DPH6: variants seen among roughly 807,000 people sequenced by gnomAD.
DPH6 encodes diphthamine biosynthesis 6.
Under a neutral mutation model 38.2 loss-of-function variants are expected in DPH6, and 33 were observed. The observed-to-expected ratio is 0.86, with a 90% confidence interval of 0.65 to 1.15. The LOEUF (loss-of-function observed/expected upper bound fraction) is 1.15, where lower values mean the gene tolerates loss of function less well. Ranked by LOEUF, DPH6 falls within the 50% of genes most tolerant of loss-of-function variation. The pLI is 0.00. For synonymous variants in DPH6, 108 were observed against 103.0 expected (o/e 1.05, Z -0.30); for missense variants, 325 against 320.0 (o/e 1.02, Z -0.12).
At chr15:35,539,958 A>T (rs1267788195) in intron 2 of DPH6, among the ~76,000 whole-genome samples, 1 of 152,064 alleles carries the variant, frequency 6.6e-6, no homozygotes, top group Non-Finnish European at 1.5e-5. Context: ...AACATAGCCA[A>T]AGTTACCTAA....
chr15:35,499,932 T>C (rs2054604735), intron 3 of DPH6, among the ~76,000 whole-genome samples: 1 of 152,176 alleles, frequency 6.6e-6, no homozygotes, highest in Non-Finnish European at 1.5e-5. Flanking sequence ...ACCAGTTTGC[T>C]AAAGAAATCA....
At chr15:35,187,057 G>C in the DPH6 span, among the ~76,000 whole-genome samples, 1 of 152,142 alleles carries the variant, frequency 6.6e-6, no homozygotes, top group Non-Finnish European at 1.5e-5. Flanking sequence ...AATGTGGAAG[G>C]AACATGAAAT....
chr15:35,331,440 G>C (rs1193038231), intron 3 of DPH6, among the ~76,000 whole-genome samples: 2 of 152,080 alleles, frequency 1.3e-5, no homozygotes, highest in African/African-American at 4.8e-5. Flanking sequence ...ATGTACATAG[G>C]GCTAAAAAGA....
At chr15:35,414,000 T>C (rs1037741542) in intron 5 of DPH6, among the ~76,000 whole-genome samples, 1 of 151,696 alleles carries the variant, frequency 6.6e-6, no homozygotes, top group Non-Finnish European at 1.5e-5. Context: ...TTAGCATCCT[T>C]TAGACCAGAA....
At chr15:35,179,413 T>C in the DPH6 span, among the ~76,000 whole-genome samples, 1 of 152,086 alleles carries the variant, frequency 6.6e-6, no homozygotes, top group Admixed American at 6.5e-5. Context: ...AAATTGTTAA[T>C]AATGAAAATA....
rs550506580 is a variant in DPH6, at chr15:35,503,609, C to T, written c.312+34665G>A. On this transcript the variant is annotated intron_variant, in intron 3 of 8. Transcript: ENST00000256538. ...AGCTGACCCACTGTGCTCTTCATCC[C>T]ATCATTTCCAAATCTTCCTGGATCT... Among the ~76,000 whole-genome samples, 21 of 152,228 alleles carry T rather than the reference C, an allele frequency of 1.4e-4. No individual in the cohort carries two copies. The South Asian group carries it at 4.1e-3, about 30-fold the overall frequency.
intron 5 of DPH6, among the ~76,000 whole-genome samples, chr15:35,425,833 C>T (rs1345632493): frequency 6.9e-6 from 1 of 145,292 alleles, no homozygotes; most frequent in Non-Finnish European, 1.5e-5. Flanking sequence ...ATATATATCT[C>T]ATATATCCAT....
At chr15:35,294,253 C>T (rs572267043) in intron 3 of DPH6, among the ~76,000 whole-genome samples, 1 of 152,324 alleles carries the variant, frequency 6.6e-6, no homozygotes, top group South Asian at 2.1e-4. Context: ...CCTTGAAGAA[C>T]TATAACAATT....
At chr15:35,351,271 T>C (rs2052508042) in intron 3 of DPH6, among the ~76,000 whole-genome samples, 1 of 152,194 alleles carries the variant, frequency 6.6e-6, no homozygotes, top group Non-Finnish European at 1.5e-5. Flanking sequence ...ATCCTTTCAC[T>C]TTCAGTCTAT....
intron 3 of DPH6, chr15:35,520,232 A>C (rs59259859): frequency 4.0e-6 from 3 of 758,886 alleles, no homozygotes; most frequent in South Asian, 1.3e-4. Context: ...AAAAAAAACA[A>C]AAAAAAAACA....
At chr15:35,274,221 C>A (rs571856588) in intron 3 of DPH6, among the ~76,000 whole-genome samples, 71 of 152,246 alleles carry the variant, frequency 4.7e-4, no homozygotes, top group African/African-American at 1.7e-3. Context: ...AGAAACTGGA[C>A]CCCTTCCTTA....
rs561006359 is a variant in DPH6 at position 35,412,278 on chromosome 15, A to T, written c.506-1382T>A. On this transcript the variant is annotated intron_variant, in intron 5 of 8. Transcript: ENST00000256538. ...ATATGTCACCAGAGAAATGCAAATA[A>T]AACAAGAAGAAGAAACCACTACACA... is the stretch of plus-strand genomic sequence containing the variant. 1.7e-4 allele frequency among the ~76,000 whole-genome samples: 26 copies of T among 151,890 alleles called. No individual in the cohort carries two copies. In the South Asian group the frequency reaches 5.2e-3, roughly 30 times the overall value.
chr15:35,257,040 G>A (rs1433107815), intron 3 of DPH6, among the ~76,000 whole-genome samples: 8 of 152,098 alleles, frequency 5.3e-5, no homozygotes, highest in Admixed American at 1.3e-4. Flanking sequence ...AGTGACAGGG[G>A]AGTGCTGGTG....
intron 6 of DPH6, among the ~76,000 whole-genome samples, chr15:35,403,359 G>A (rs954050948): frequency 3.3e-5 from 5 of 151,644 alleles, no homozygotes; most frequent in Admixed American, 6.6e-5. Flanking sequence ...ATATATATAT[G>A]GAGTATCAGT....
intron 6 of DPH6, among the ~76,000 whole-genome samples, chr15:35,382,210 C>A (rs374095179): frequency 1.3e-5 from 2 of 151,630 alleles, no homozygotes; most frequent in Non-Finnish European, 2.9e-5. Context: ...CCGAGGCGGG[C>A]GGATCACAAG....
At chr15:35,147,750 C>A in the DPH6 span, among the ~76,000 whole-genome samples, 2 of 152,080 alleles carry the variant, frequency 1.3e-5, no homozygotes, top group Non-Finnish European at 2.9e-5. Flanking sequence ...TGATTAAACC[C>A]CAGCAGGTGA....
At chr15:35,446,220 T>C (rs1242469973) in intron 5 of DPH6, among the ~76,000 whole-genome samples, 11 of 130,726 alleles carry the variant, frequency 8.4e-5, no homozygotes, top group Non-Finnish European at 1.8e-4. Context: ...TTCCCTTTTT[T>C]TTTTTTTCCT....
intron 3 of DPH6, among the ~76,000 whole-genome samples, chr15:35,516,129 C>T (rs1343066011): frequency 2.6e-5 from 4 of 152,256 alleles, no homozygotes; most frequent in South Asian, 4.2e-4. Flanking sequence ...GCAGCTGATA[C>T]ATTAAGTACT....
chr15:35,424,010 G>C (rs2053538260), intron 5 of DPH6, among the ~76,000 whole-genome samples: 1 of 151,390 alleles, frequency 6.6e-6, no homozygotes, highest in Non-Finnish European at 1.5e-5. Flanking sequence ...TGATTCCTTT[G>C]TTCTTCTTCC....
Sources: allele counts gnomAD v4.1 joint callset (sites outside exome capture counted in the v4.1 genomes callset), GRCh38; gene constraint gnomAD v4.1.1; transcripts MANE v1.5; gene names NCBI Gene and HGNC (gene_info 2026-07-23, HGNC 2026-07-21).